The following ACTR1A variants were observed in gnomAD, a reference collection of about 807,000 sequenced individuals.
ACTR1A encodes actin related protein 1A.
In ACTR1A, 10 loss-of-function variants were observed where a neutral mutation model predicts 50.7. The ratio of observed to expected loss-of-function variants is 0.20; its 90% CI spans 0.12 to 0.33. The LOEUF is 0.33. Among genes scored for constraint, ACTR1A ranks in the 10% least tolerant of loss-of-function variants. The pLI is 1.00. For synonymous variants in ACTR1A, 177 were observed against 184.2 expected, an observed-to-expected ratio of 0.96 and a Z score of 0.32; for missense variants, 253 against 491.7, an observed-to-expected ratio of 0.51 and a Z score of 4.59.
chr10:102,483,797 A>G (rs1305512996), intron 6 of ACTR1A: 4 of 233,696 alleles, frequency 1.7e-5, no homozygotes, highest in African/African-American at 8.9e-5. Context: ...GTGAGCCGAG[A>G]TCACACCATT....
At chr10:102,502,492 A>G in intron 1 of ACTR1A, 108 bp downstream of exon 1, 1 of 1,245,746 alleles carries the variant, frequency 8.0e-7, no homozygotes, top group Admixed American at 1.8e-5. Context: ...CGCGCCTGAC[A>G]GGCCGGGCCA....
chr10:102,484,402 T>G, intron 5 of ACTR1A, 26 bp from the exon 6 acceptor site: 1 of 1,575,674 alleles, frequency 6.3e-7, no homozygotes, highest in South Asian at 1.1e-5. Context: ...AAACCGTCAC[T>G]CAGCACTGCC....
At chr10:102,498,283 C>T (rs1270789956) in intron 1 of ACTR1A, among the ~76,000 whole-genome samples, 1 of 151,232 alleles carries the variant, frequency 6.6e-6, no homozygotes, top group Non-Finnish European at 1.5e-5. Context: ...TGTTATATAC[C>T]ACACCGAATT....
intron 1 of ACTR1A, among the ~76,000 whole-genome samples, chr10:102,494,888 G>A (rs1196395996): frequency 6.6e-6 from 1 of 152,132 alleles, no homozygotes; most frequent in African/African-American, 2.4e-5. Context: ...TCGGCTCACT[G>A]TAACCTCCGC....
At position 102,488,077 on chromosome 10, in the gene ACTR1A, C is replaced by T. The variant is rs373749752; in HGVS notation, c.315+73G>A. ...TCTTGGCAGTGATCATCGTCCTCCT[C>T]ATCATCTCTAGGGTAGGAGTTTGAC... On this transcript the variant is annotated intron_variant, in intron 4 of 10. Transcript: ENST00000369905. The surrounding 1 kb of genome is among the most constrained non-coding windows in gnomAD (Gnocchi z 4.4). 1.3e-5 allele frequency: 20 copies of T among 1,541,918 alleles called. No homozygotes were observed. The African/African-American group carries it at 2.4e-4, about 19-fold the overall frequency.
chr10:102,480,755 C>T lies in ACTR1A; in HGVS notation c.*108G>A, dbSNP rs181308824. 817 of 916,542 alleles carry T rather than the reference C, an allele frequency of 8.9e-4. 1 individual carries two copies. Among genetic ancestry groups the T allele is most frequent in the Middle Eastern group, 1.3e-3 (4 of 3,064 alleles). The allele number at this position is 916,542 out of a possible 1,614,324, so 56.8% of individuals were successfully genotyped here. On this transcript the variant is annotated 3_prime_UTR_variant, in exon 11 of 11. Coordinates refer to ENST00000369905, the MANE Select transcript of ACTR1A (RefSeq NM_005736.4). ...CTCGCATGTGCACACACACTCATAT[C>T]CACACACGCACTCACACACAGGCAG...
intron 1 of ACTR1A, among the ~76,000 whole-genome samples, chr10:102,491,718 C>T (rs941838198): frequency 8.5e-5 from 13 of 152,186 alleles, no homozygotes; most frequent in African/African-American, 3.1e-4. Context: ...GAGACCAACC[C>T]TGTGCAGGAC....
In ACTR1A at chr10:102,502,692, T is replaced by G. The variant is rs775484976; in HGVS notation, c.-45A>C. 6.2e-7 allele frequency: 1 copy of G among 1,609,398 alleles called. No homozygotes were observed. The highest frequency in any genetic ancestry group is 8.5e-7 in the Non-Finnish European group (1 of 1,176,584). On this transcript the variant is annotated 5_prime_UTR_variant, in exon 1 of 11. Coordinates refer to ENST00000369905, the MANE Select transcript of ACTR1A (RefSeq NM_005736.4). The stretch of plus-strand genomic sequence containing the variant: ...CTGGGGAAGGAACTGCCCAGCCGGG[T>G]CCGCCGCTAGCGCCACTGACACGCA...
chr10:102,493,001 C>CAAAAAAAAAAAAAAGAAAAAAAAAA (rs2062201734), intron 1 of ACTR1A, among the ~76,000 whole-genome samples: 1 of 48,930 alleles, frequency 2.0e-5, no homozygotes, highest in Non-Finnish European at 3.4e-5. Context: ...GACTCCACCT[C>CAAAAAAAAAAAAAAGAAAAAAAAAA]AAAAAAAAAA....
intron 1 of ACTR1A, among the ~76,000 whole-genome samples, chr10:102,500,311 T>C (rs2062242426): frequency 6.6e-6 from 1 of 152,164 alleles, no homozygotes; most frequent in Admixed American, 6.5e-5. Flanking sequence ...GGCTGACGCC[T>C]GTAATACCAG....
intron 1 of ACTR1A, among the ~76,000 whole-genome samples, chr10:102,501,513 A>C (rs979989259): frequency 2.6e-5 from 4 of 152,252 alleles, no homozygotes; most frequent in Non-Finnish European, 5.9e-5. Context: ...CTTTGAATCG[A>C]AGGCAGAAAT....
Position 102,480,615 on chromosome 10 carries a change from G to T in ACTR1A, c.*248C>A. 1 of 549,238 alleles carries T rather than the reference G, an allele frequency of 1.8e-6. No individual in the cohort carries two copies. Among genetic ancestry groups the T allele is most frequent in the Non-Finnish European group, 3.3e-6 (1 of 306,030 alleles). The allele number at this position is 549,238 out of a possible 1,614,324, so 34.0% of individuals were successfully genotyped here. On this transcript the variant is annotated 3_prime_UTR_variant, in exon 11 of 11. Coordinates refer to ENST00000369905, the MANE Select transcript of ACTR1A (RefSeq NM_005736.4). ...CACCTGAGGAGGGAGCACAGCCTCT[G>T]CCAGCGCTCTTCCCTGTCAGGAGCC... is the stretch of plus-strand genomic sequence containing the variant.
intron 1 of ACTR1A, among the ~76,000 whole-genome samples, chr10:102,497,530 T>C (rs777736286): frequency 5.3e-5 from 8 of 151,964 alleles, no homozygotes; most frequent in Non-Finnish European, 1.2e-4. Context: ...GAGGCTGCAG[T>C]GAGCTACGAC....
chr10:102,485,263 C>T (rs1197976548), intron 5 of ACTR1A, among the ~76,000 whole-genome samples: 1 of 152,210 alleles, frequency 6.6e-6, no homozygotes, highest in African/African-American at 2.4e-5. Flanking sequence ...CAGCTGGCCA[C>T]AGTAAGTGCT....
chr10:102,483,968 C>T (rs965196874), intron 6 of ACTR1A, 192 bp downstream of exon 6: 3 of 594,232 alleles, frequency 5.0e-6, no homozygotes, highest in Admixed American at 5.9e-5. Flanking sequence ...CCCTTTCCCC[C>T]AACAAGATGG....
At position 102,480,819 on chromosome 10, in the gene ACTR1A, A is replaced by G. The variant is rs1348334041; in HGVS notation, c.*44T>C. The G allele has an allele frequency of 2.7e-6, 4 of 1,495,950 alleles. No individual in the cohort carries two copies. The South Asian group carries it at 4.5e-5, about 17-fold the overall frequency. 92.7% of individuals were successfully genotyped at this position (1,495,950 alleles called of 1,614,324 possible). A position where few individuals can be genotyped will look rare whatever the true frequency, so the allele number is the denominator to read the frequency against. Reference sequence around the variant, plus strand: ...CTCCGACTCAAGAAAGCGAGTTTTAAAGTGGAGTTAACTTCAGAGAGAGGT... The same window carrying G: ...CTCCGACTCAAGAAAGCGAGTTTTAGAGTGGAGTTAACTTCAGAGAGAGGT... On this transcript the variant is annotated 3_prime_UTR_variant, in exon 11 of 11. Coordinates refer to ENST00000369905, the MANE Select transcript of ACTR1A (RefSeq NM_005736.4).
intron 6 of ACTR1A, chr10:102,483,356 A>G (rs1161086948): frequency 6.6e-6 from 3 of 453,114 alleles, no homozygotes; most frequent in Non-Finnish European, 1.2e-5. Context: ...CCTGGATCCT[A>G]GGTCTGAGAC....
chr10:102,494,535 T>C (rs1010278454), intron 1 of ACTR1A, among the ~76,000 whole-genome samples: 1 of 151,924 alleles, frequency 6.6e-6, no homozygotes, highest in Non-Finnish European at 1.5e-5. Context: ...GAGGCTGAGG[T>C]TGGAGGATCA....
At chr10:102,491,405 A>G (rs1451777364) in intron 1 of ACTR1A, among the ~76,000 whole-genome samples, 1 of 152,208 alleles carries the variant, frequency 6.6e-6, no homozygotes, top group Admixed American at 6.5e-5. Flanking sequence ...GAGCACTGTC[A>G]TGCTTGAAAT....
Sources: gnomAD v4.1 joint callset for allele counts (sites outside exome capture counted in the v4.1 genomes callset) on GRCh38, gnomAD v4.1.1 for gene constraint, Gnocchi (gnomAD v3.1) non-coding constraint, MANE v1.5 for transcripts, NCBI Gene and HGNC (gene_info 2026-07-23, HGNC 2026-07-21) for gene names.